Variants in LDLRAD3 observed in about 807,000 individuals in gnomAD.
LDLRAD3 encodes low density lipoprotein receptor class A domain containing 3.
LDLRAD3 carries 20 observed loss-of-function variants against 29.4 expected under a neutral mutation model. The observed-to-expected ratio is 0.68, with a 90% CI of 0.48 to 0.99. LDLRAD3 has a LOEUF of 0.99. LDLRAD3 is among the 50% of genes least tolerant of loss of function. LDLRAD3 has a pLI of 0.00. For missense variants in LDLRAD3, 420 were observed against 454.3 expected, an observed-to-expected ratio of 0.92 and a Z score of 0.69; for synonymous variants, 157 against 192.7, an observed-to-expected ratio of 0.81 and a Z score of 1.53.
chr11:36,001,723 A>G (rs566628655), intron 1 of LDLRAD3, among the ~76,000 whole-genome samples: 14 of 151,816 alleles, frequency 9.2e-5, no homozygotes, highest in Admixed American at 3.3e-4. Flanking sequence ...CATTCAGAAA[A>G]TGTTGGCATA....
chr11:36,212,611 C>A (rs138192158), intron 4 of LDLRAD3, among the ~76,000 whole-genome samples: 26 of 152,104 alleles, frequency 1.7e-4, no homozygotes, highest in African/African-American at 6.3e-4. Context: ...TACCCTCCAA[C>A]CAGTTCTGCA....
At chr11:35,954,671 T>G (rs1363288210) in intron 1 of LDLRAD3, among the ~76,000 whole-genome samples, 1 of 152,232 alleles carries the variant, frequency 6.6e-6, no homozygotes, top group African/African-American at 2.4e-5. Context: ...CGCTGGAGTT[T>G]AGAACAGTCT....
At chr11:35,955,956 G>T (rs1481928460) in intron 1 of LDLRAD3, among the ~76,000 whole-genome samples, 1 of 152,204 alleles carries the variant, frequency 6.6e-6, no homozygotes, top group Non-Finnish European at 1.5e-5. Flanking sequence ...CTACAGAAGT[G>T]CTCACTCATG....
intron 1 of LDLRAD3, among the ~76,000 whole-genome samples, chr11:36,022,896 G>A (rs551371994): frequency 4.1e-4 from 62 of 152,226 alleles, no homozygotes; most frequent in Admixed American, 1.1e-3. Flanking sequence ...TGAAAGCTGC[G>A]ATCATTCAGA....
chr11:36,150,378 A>C (rs1854260481), intron 4 of LDLRAD3, among the ~76,000 whole-genome samples: 2 of 152,070 alleles, frequency 1.3e-5, no homozygotes, highest in Admixed American at 1.3e-4. Flanking sequence ...AAAATTAAAA[A>C]TTAGCCAGGC....
chr11:36,100,730 G>A (rs973747556), intron 4 of LDLRAD3, among the ~76,000 whole-genome samples: 4 of 152,168 alleles, frequency 2.6e-5, no homozygotes, highest in South Asian at 4.1e-4. Flanking sequence ...GAGCCACTGC[G>A]CCCGGCCTAT....
chr11:36,218,882 G>A (rs1855388954), intron 4 of LDLRAD3, among the ~76,000 whole-genome samples: 1 of 152,200 alleles, frequency 6.6e-6, no homozygotes, highest in South Asian at 2.1e-4. Flanking sequence ...CTCTATAGTG[G>A]GATACTATGT....
chr11:36,058,329 CT>C (rs1243295876), intron 2 of LDLRAD3, among the ~76,000 whole-genome samples: 2 of 152,198 alleles, frequency 1.3e-5, no homozygotes, highest in Non-Finnish European at 2.9e-5. Flanking sequence ...AGAGCCACGT[CT>C]TCCTTCACGC....
intron 1 of LDLRAD3, among the ~76,000 whole-genome samples, chr11:35,963,209 T>C (rs1458204621): frequency 6.6e-6 from 1 of 152,244 alleles, no homozygotes; most frequent in East Asian, 1.9e-4. Context: ...GTCCCATAGA[T>C]AGTTTTTTTG....
intron 4 of LDLRAD3, among the ~76,000 whole-genome samples, chr11:36,115,099 T>C (rs1853656374): frequency 6.6e-6 from 1 of 152,160 alleles, no homozygotes; most frequent in Non-Finnish European, 1.5e-5. Context: ...TGCCATATTG[T>C]GAGGAAGCCC....
chr11:35,979,055 A>G (rs370477557), intron 1 of LDLRAD3, among the ~76,000 whole-genome samples: 73 of 152,294 alleles, frequency 4.8e-4, no homozygotes, highest in African/African-American at 1.6e-3. Context: ...CACATTGAAT[A>G]ATGCTCCACT....
chr11:36,089,722 CT>C (rs916111577), intron 3 of LDLRAD3, among the ~76,000 whole-genome samples: 1 of 151,860 alleles, frequency 6.6e-6, no homozygotes, highest in African/African-American at 2.4e-5. Flanking sequence ...ATCTCAGCCT[CT>C]TAAGTAGCTA....
chr11:36,066,545 A>G (rs1373913131), intron 2 of LDLRAD3, among the ~76,000 whole-genome samples: 2 of 152,214 alleles, frequency 1.3e-5, no homozygotes, highest in Non-Finnish European at 2.9e-5. Context: ...CTTTATCCAC[A>G]TATGTGTGTG....
intron 1 of LDLRAD3, among the ~76,000 whole-genome samples, chr11:35,969,829 G>T (rs1055464769): frequency 6.6e-6 from 1 of 152,228 alleles, no homozygotes; most frequent in Non-Finnish European, 1.5e-5. Flanking sequence ...ACGTGCATGC[G>T]TGGAGTTTTT....
intron 2 of LDLRAD3, among the ~76,000 whole-genome samples, chr11:36,047,258 C>G (rs1361915452): frequency 6.6e-6 from 1 of 152,200 alleles, no homozygotes; most frequent in Non-Finnish European, 1.5e-5. Context: ...ATTAGATTAT[C>G]AGGTTTTCTT....
At chr11:36,079,942 A>T (rs986408709) in intron 2 of LDLRAD3, among the ~76,000 whole-genome samples, 3 of 152,212 alleles carry the variant, frequency 2.0e-5, no homozygotes, top group Non-Finnish European at 4.4e-5. Context: ...TGAACCCAGG[A>T]CTGTCCAGAG....
At chr11:36,222,525 G>T (rs1252185770) in intron 4 of LDLRAD3, among the ~76,000 whole-genome samples, 4 of 152,146 alleles carry the variant, frequency 2.6e-5, no homozygotes, top group African/African-American at 9.7e-5. Flanking sequence ...CTGAGACCTG[G>T]CCAGCAGTAT....
chr11:36,181,632 C>G (rs1329056866), intron 4 of LDLRAD3, among the ~76,000 whole-genome samples: 5 of 152,098 alleles, frequency 3.3e-5, no homozygotes, highest in Admixed American at 2.0e-4. Flanking sequence ...TATGAGCTGT[C>G]TTATATAGAC....
intron 1 of LDLRAD3, among the ~76,000 whole-genome samples, chr11:35,970,626 C>T (rs1430343710): frequency 6.6e-6 from 1 of 152,194 alleles, no homozygotes; most frequent in Non-Finnish European, 1.5e-5. Flanking sequence ...AATATTAACC[C>T]CATTTTATAG....
Sources: allele counts gnomAD v4.1 joint callset (sites outside exome capture counted in the v4.1 genomes callset), GRCh38; gene constraint gnomAD v4.1.1; transcripts MANE v1.5; gene names NCBI Gene and HGNC (gene_info 2026-07-23, HGNC 2026-07-21).